OR4K2: variants seen among roughly 807,000 people sequenced by gnomAD.
OR4K2 encodes the protein olfactory receptor 4K2.
OR4K2 carries 8 observed loss-of-function variants against 10.5 expected under a neutral mutation model. The ratio of observed to expected loss-of-function variants is 0.76; its 90% confidence interval spans 0.45 to 1.37. The LOEUF is 1.37. OR4K2 is among the 40% of genes most tolerant of loss of function. The probability of loss-of-function intolerance (pLI) is 0.00; values close to 1 mark genes in which losing one functional copy is unlikely to be tolerated. For synonymous variants in OR4K2, 178 were observed against 133.6 expected, an observed-to-expected ratio of 1.33 and a Z score of -2.29; for missense variants, 547 against 379.5, an observed-to-expected ratio of 1.44 and a Z score of -3.67.
rs1881037957 is a variant in OR4K2 at position 19,881,607 on chromosome 14, C to G, written c.*4395C>G. 1 of 151,842 alleles carries G rather than the reference C, an allele frequency of 6.6e-6. No individual in the cohort carries two copies. The highest frequency in any genetic ancestry group is 6.6e-5 in the Admixed American group (1 of 15,220). The allele number at this position is 151,842 out of a possible 1,614,324, so 9.4% of individuals were successfully genotyped here. A position where few individuals can be genotyped will look rare whatever the true frequency, so the allele number is the denominator to read the frequency against. On this transcript the variant is annotated 3_prime_UTR_variant, in exon 2 of 2. Transcript: ENST00000641885. Reference sequence around the variant, plus strand: ...CACTGCCAATATAAGGAGATGAATACCTATTTTTTAAATTAAAAAATGTTC... The same window carrying G: ...CACTGCCAATATAAGGAGATGAATAGCTATTTTTTAAATTAAAAAATGTTC...
chr14:19,876,119 G>A lies in OR4K2; in HGVS notation c.-39G>A, dbSNP rs1438367158. 6.0e-6 allele frequency: 4 copies of A among 665,862 alleles called. No homozygotes were observed. Among genetic ancestry groups the A allele is most frequent in the African/African-American group, 5.6e-5 (3 of 53,762 alleles). 41.2% of individuals were successfully genotyped at this position (665,862 alleles called of 1,614,324 possible). ...AAACAATATACCAAATGAGAAGGATGGAAAGAATAGTCAAGGTAAGTTTTA... is the reference window on the plus strand; with the variant it reads ...AAACAATATACCAAATGAGAAGGATAGAAAGAATAGTCAAGGTAAGTTTTA... On this transcript the variant is annotated 5_prime_UTR_variant, in exon 1 of 2. An upstream start codon of the reference 5' UTR is lost. Coordinates refer to ENST00000641885, the MANE Select transcript of OR4K2 (RefSeq NM_001005501.2).
chr14:19,876,679 C>T lies in OR4K2; in HGVS notation c.412C>T (p.Pro138Ser). The T allele has an allele frequency of 6.2e-7, 1 of 1,614,134 alleles. No homozygotes were observed. The highest frequency in any genetic ancestry group is 8.5e-7 in the Non-Finnish European group (1 of 1,180,002). ...CCTGCACTATGCTTCTGTCATTAGTCCCCAGGTGTGTGTTGCTCTCGTGGT... is the reference window on the plus strand; with the variant it reads ...CCTGCACTATGCTTCTGTCATTAGTTCCCAGGTGTGTGTTGCTCTCGTGGT... ...KPLHYASVIS[P>S]QVCVALVVAS... Residue 138 changes from proline (P) to serine (S), a missense_variant, in exon 2 of 2, where the codon CCC becomes TCC. Physicochemically the swap from Pro to Ser is moderately conservative, Grantham distance 74. Coordinates refer to ENST00000641885, the MANE Select transcript of OR4K2 (RefSeq NM_001005501.2).
In OR4K2 at chr14:19,877,473, G is replaced by C. The variant is rs992746978; in HGVS notation, c.*261G>C. Reference sequence around the variant, plus strand: ...CAATAATCAATTTATTGGAAAAGAGGACCAAGGAATGAGGAGAAGAAATAT... The same window carrying C: ...CAATAATCAATTTATTGGAAAAGAGCACCAAGGAATGAGGAGAAGAAATAT... On this transcript the variant is annotated 3_prime_UTR_variant, in exon 2 of 2. Coordinates refer to ENST00000641885, the MANE Select transcript of OR4K2 (RefSeq NM_001005501.2). 2.8e-6 allele frequency: 1 copy of C among 354,972 alleles called. No individual in the cohort carries two copies. The highest frequency in any genetic ancestry group is 5.2e-6 in the Non-Finnish European group (1 of 192,206). The allele number at this position is 354,972 out of a possible 1,614,324, so 22.0% of individuals were successfully genotyped here.
rs1183734326 is a variant in OR4K2 at position 19,880,525 on chromosome 14, G to A, written c.*3313G>A. The A allele has an allele frequency of 6.6e-6, 1 of 152,134 alleles. No individual in the cohort carries two copies. Among genetic ancestry groups the A allele is most frequent in the African/African-American group, 2.4e-5 (1 of 41,402 alleles). 9.4% of individuals were successfully genotyped at this position (152,134 alleles called of 1,614,324 possible). ...AACACTTGACTTGTTTAATTTAAAAGGTAAATTTTCATTTATATGTTTTAA... is the reference window on the plus strand; with the variant it reads ...AACACTTGACTTGTTTAATTTAAAAAGTAAATTTTCATTTATATGTTTTAA... On this transcript the variant is annotated 3_prime_UTR_variant, in exon 2 of 2. Coordinates refer to ENST00000641885, the MANE Select transcript of OR4K2 (RefSeq NM_001005501.2).
rs761296336 is a variant in OR4K2, at chr14:19,875,172, G to A, written c.-986G>A. ...TACAACATCCATTTTATCCACAGCTGATACACAACTAATGATTCAACTAGG... is the reference window on the plus strand; with the variant it reads ...TACAACATCCATTTTATCCACAGCTAATACACAACTAATGATTCAACTAGG... On this transcript the variant is annotated 5_prime_UTR_variant, in exon 1 of 2. Coordinates refer to ENST00000641885, the MANE Select transcript of OR4K2 (RefSeq NM_001005501.2). 31 of 152,176 alleles carry A rather than the reference G, an allele frequency of 2.0e-4. No individual in the cohort carries two copies. Among genetic ancestry groups the A allele is most frequent in the Non-Finnish European group, 5.9e-5 (4 of 68,024 alleles). The allele number at this position is 152,176 out of a possible 1,614,324, so 9.4% of individuals were successfully genotyped here.
Position 19,877,290 on chromosome 14 carries a change from C to A in OR4K2, c.*78C>A, listed in dbSNP as rs76467694. On this transcript the variant is annotated 3_prime_UTR_variant, in exon 2 of 2. Coordinates refer to ENST00000641885, the MANE Select transcript of OR4K2 (RefSeq NM_001005501.2). ...GAGGGTTCTTACCAAATTGTAATTG[C>A]CAAGAATTTGTGAGGGCTCAAGTTC... The A allele has an allele frequency of 9.3e-3, 9,691 of 1,039,796 alleles. 5 individuals are homozygous for A. Among genetic ancestry groups the A allele is most frequent in the Non-Finnish European group, 0.011 (8,134 of 724,770 alleles). 64.4% of individuals were successfully genotyped at this position (1,039,796 alleles called of 1,614,324 possible).
In OR4K2 at chr14:19,880,456, C is replaced by A. The variant is rs1310723531; in HGVS notation, c.*3244C>A. 1.3e-5 allele frequency: 2 copies of A among 152,184 alleles called. No individual in the cohort carries two copies. The highest frequency in any genetic ancestry group is 2.4e-5 in the African/African-American group (1 of 41,458). 9.4% of individuals were successfully genotyped at this position (152,184 alleles called of 1,614,324 possible). A position where few individuals can be genotyped will look rare whatever the true frequency, so the allele number is the denominator to read the frequency against. On this transcript the variant is annotated 3_prime_UTR_variant, in exon 2 of 2. Coordinates refer to ENST00000641885, the MANE Select transcript of OR4K2 (RefSeq NM_001005501.2). ...GTCATTGTATCATTCTGGGTGATAACCTCTGGATATCTTTGTTTATGGGAC... is the reference window on the plus strand; with the variant it reads ...GTCATTGTATCATTCTGGGTGATAAACTCTGGATATCTTTGTTTATGGGAC...
Position 19,876,980 on chromosome 14 carries a change from C to G in OR4K2, c.713C>G (p.Ser238Cys), listed in dbSNP as rs751048745. The G allele has an allele frequency of 1.2e-6, 2 of 1,614,038 alleles. No homozygotes were observed. Among genetic ancestry groups the G allele is most frequent in the East Asian group, 4.5e-5 (2 of 44,890 alleles). The change falls in exon 2 of 2, where the codon TCT (serine) becomes TGT (cysteine). Residue 238 changes from serine (S) to cysteine (C), a missense_variant. Coordinates refer to ENST00000641885, the MANE Select transcript of OR4K2 (RefSeq NM_001005501.2). ...TCCAGAGGATCATCTAAGGCCCTTT[C>G]TACTTGTACAGCTCATTTCATTGTT... The part of the protein sequence containing the change: ...HSSRGSSKAL[S>C]TCTAHFIVVF...
In OR4K2 at chr14:19,876,339, G is replaced by T. The variant is rs139473755; in HGVS notation, c.72G>T (p.Gln24His). 1.2e-6 allele frequency: 2 copies of T among 1,612,748 alleles called. No individual in the cohort carries two copies. The highest frequency in any genetic ancestry group is 1.7e-6 in the Non-Finnish European group (2 of 1,179,454). The stretch of plus-strand genomic sequence containing the variant: ...GGCTCTCTAATTCCTGGGAACTACA[G>T]ATGTTTTTCTTTATGGTGTTTTCAT... ...LLGLSNSWEL[Q>H]MFFFMVFSLL... The change falls in exon 2 of 2, where the codon CAG (glutamine) becomes CAT (histidine). Residue 24 changes from glutamine (Q) to histidine (H), a missense_variant. Coordinates refer to ENST00000641885, the MANE Select transcript of OR4K2 (RefSeq NM_001005501.2).
At position 19,879,004 on chromosome 14, in the gene OR4K2, C is replaced by G. The variant is rs180802360; in HGVS notation, c.*1792C>G. On this transcript the variant is annotated 3_prime_UTR_variant, in exon 2 of 2. Coordinates refer to ENST00000641885, the MANE Select transcript of OR4K2 (RefSeq NM_001005501.2). ...AAACTGTGGAATCTTTTGGAAGAGACGCTATTGATTTTCTGTGCTTTTGTG... is the reference window on the plus strand; with the variant it reads ...AAACTGTGGAATCTTTTGGAAGAGAGGCTATTGATTTTCTGTGCTTTTGTG... 2.6e-5 allele frequency: 4 copies of G among 152,216 alleles called. No individual in the cohort carries two copies. The highest frequency in any genetic ancestry group is 2.6e-4 in the Admixed American group (4 of 15,274). 9.4% of individuals were successfully genotyped at this position (152,216 alleles called of 1,614,324 possible).
chr14:19,881,736 T>C lies in OR4K2; in HGVS notation c.*4524T>C, dbSNP rs376801591. ...TTTTTTCTTTGTGTTTTAACTGTACTAGGAATCTGAAGCCATCAACAAAAG... is the reference window on the plus strand; with the variant it reads ...TTTTTTCTTTGTGTTTTAACTGTACCAGGAATCTGAAGCCATCAACAAAAG... On this transcript the variant is annotated 3_prime_UTR_variant, in exon 2 of 2. Transcript: ENST00000641885. 7 of 152,062 alleles carry C rather than the reference T, an allele frequency of 4.6e-5. No homozygotes were observed. The highest frequency in any genetic ancestry group is 8.8e-5 in the Non-Finnish European group (6 of 68,008). The allele number at this position is 152,062 out of a possible 1,614,324, so 9.4% of individuals were successfully genotyped here. A position where few individuals can be genotyped will look rare whatever the true frequency, so the allele number is the denominator to read the frequency against.
rs1880991284 is a variant in OR4K2 at position 19,879,654 on chromosome 14, G to A, written c.*2442G>A. 1 of 152,126 alleles carries A rather than the reference G, an allele frequency of 6.6e-6. No individual in the cohort carries two copies. The highest frequency in any genetic ancestry group is 2.4e-5 in the African/African-American group (1 of 41,432). The allele number at this position is 152,126 out of a possible 1,614,324, so 9.4% of individuals were successfully genotyped here. ...CAGATGGAAAAACTGTTAAAAATCA[G>A]GTATAGATAAAAACAGATAAAGTGT... is the stretch of plus-strand genomic sequence containing the variant. On this transcript the variant is annotated 3_prime_UTR_variant, in exon 2 of 2. Transcript: ENST00000641885.
Position 19,877,319 on chromosome 14 carries a change from G to T in OR4K2, c.*107G>T, listed in dbSNP as rs1406281860. 7.8e-6 allele frequency: 6 copies of T among 772,748 alleles called. No individual in the cohort carries two copies. Among genetic ancestry groups the T allele is most frequent in the Admixed American group, 3.0e-5 (1 of 33,830 alleles). The allele number at this position is 772,748 out of a possible 1,614,324, so 47.9% of individuals were successfully genotyped here. A position where few individuals can be genotyped will look rare whatever the true frequency, so the allele number is the denominator to read the frequency against. On this transcript the variant is annotated 3_prime_UTR_variant, in exon 2 of 2. Transcript: ENST00000641885. Reference sequence around the variant, plus strand: ...GAATTTGTGAGGGCTCAAGTTCAGTGCATTTTGAAACTATTCTCATGAATG... The same window carrying T: ...GAATTTGTGAGGGCTCAAGTTCAGTTCATTTTGAAACTATTCTCATGAATG...
chr14:19,883,768 T>A lies in OR4K2; in HGVS notation c.*6556T>A, dbSNP rs760316918. 1 of 152,232 alleles carries A rather than the reference T, an allele frequency of 6.6e-6. No homozygotes were observed. The highest frequency in any genetic ancestry group is 6.5e-5 in the Admixed American group (1 of 15,292). The allele number at this position is 152,232 out of a possible 1,614,324, so 9.4% of individuals were successfully genotyped here. A position where few individuals can be genotyped will look rare whatever the true frequency, so the allele number is the denominator to read the frequency against. On this transcript the variant is annotated 3_prime_UTR_variant, in exon 2 of 2. Transcript: ENST00000641885. ...TCAAGAGTAACATGTAATTGAATCA[T>A]CAACATCTTTATATAACTTTTCCAA...
rs1338878299 is a variant in OR4K2 at position 19,877,986 on chromosome 14, GAC to G, written c.*778_*779del. The G allele has an allele frequency of 6.6e-6, 1 of 152,226 alleles. No individual in the cohort carries two copies. Among genetic ancestry groups the G allele is most frequent in the South Asian group, 2.1e-4 (1 of 4,838 alleles). 9.4% of individuals were successfully genotyped at this position (152,226 alleles called of 1,614,324 possible). A position where few individuals can be genotyped will look rare whatever the true frequency, so the allele number is the denominator to read the frequency against. The stretch of plus-strand genomic sequence containing the variant: ...TAAGAAGTTAAAACTAGAATTGAGA[GAC>G]ACAGTTTATAACAGTTGAATTTATG... On this transcript the variant is annotated 3_prime_UTR_variant, in exon 2 of 2. Coordinates refer to ENST00000641885, the MANE Select transcript of OR4K2 (RefSeq NM_001005501.2).
intron 1 of OR4K2, 31 bp from the exon 2 acceptor site, chr14:19,876,214 C>CTTTTTT (rs35601631): frequency 2.0e-5 from 13 of 642,382 alleles, no homozygotes; most frequent in African/African-American, 8.7e-5. Flanking sequence ...TCTGACTTTC[C>CTTTTTT]TTTTTTTTTT....
At position 19,877,516 on chromosome 14, in the gene OR4K2, G is replaced by T; in HGVS notation, c.*304G>T. 7.3e-6 allele frequency: 2 copies of T among 273,916 alleles called. No individual in the cohort carries two copies. The highest frequency in any genetic ancestry group is 8.7e-5 in the South Asian group (2 of 23,020). The allele number at this position is 273,916 out of a possible 1,614,324, so 17.0% of individuals were successfully genotyped here. On this transcript the variant is annotated 3_prime_UTR_variant, in exon 2 of 2. Transcript: ENST00000641885. ...AGAAATATAGATTAAAGCAGAACTA[G>T]GAGATAATGACAATTACCCACAGTG... is the stretch of plus-strand genomic sequence containing the variant.
rs1594429607 is a variant in OR4K2, at chr14:19,881,753, C to A, written c.*4541C>A. The A allele has an allele frequency of 6.6e-6, 1 of 151,802 alleles. No individual in the cohort carries two copies. The highest frequency in any genetic ancestry group is 1.5e-5 in the Non-Finnish European group (1 of 67,984). The allele number at this position is 151,802 out of a possible 1,614,324, so 9.4% of individuals were successfully genotyped here. A position where few individuals can be genotyped will look rare whatever the true frequency, so the allele number is the denominator to read the frequency against. On this transcript the variant is annotated 3_prime_UTR_variant, in exon 2 of 2. Transcript: ENST00000641885. ...AACTGTACTAGGAATCTGAAGCCAT[C>A]AACAAAAGCCAGATTTTTCTCCCTT...
rs961049318 is a variant in OR4K2, at chr14:19,877,517, G to A, written c.*305G>A. On this transcript the variant is annotated 3_prime_UTR_variant, in exon 2 of 2. Coordinates refer to ENST00000641885, the MANE Select transcript of OR4K2 (RefSeq NM_001005501.2). ...GAAATATAGATTAAAGCAGAACTAG[G>A]AGATAATGACAATTACCCACAGTGA... 3 of 272,348 alleles carry A rather than the reference G, an allele frequency of 1.1e-5. No homozygotes were observed. Among genetic ancestry groups the A allele is most frequent in the Admixed American group, 1.0e-4 (2 of 19,730 alleles). 16.9% of individuals were successfully genotyped at this position (272,348 alleles called of 1,614,324 possible). A position where few individuals can be genotyped will look rare whatever the true frequency, so the allele number is the denominator to read the frequency against.
Sources: allele counts gnomAD v4.1 joint callset, GRCh38; gene constraint gnomAD v4.1.1; transcripts MANE v1.5; gene names NCBI Gene and HGNC (gene_info 2026-07-23, HGNC 2026-07-21).